Variants in GREB1L observed in about 807,000 individuals in gnomAD.
GREB1L encodes GREB1-like protein.
GREB1L carries 17 observed loss-of-function variants against 200.8 expected under a neutral mutation model. The observed-to-expected ratio is 0.08, with a 90% CI of 0.06 to 0.13. The LOEUF (loss-of-function observed/expected upper bound fraction) is 0.13, where lower values mean the gene tolerates loss of function less well. Ranked by LOEUF, GREB1L falls within the 10% of genes least tolerant of loss-of-function variation. GREB1L has a pLI of 1.00. For missense variants in GREB1L, 1,657 were observed against 2,367.7 expected, an observed-to-expected ratio of 0.70 and a Z score of 6.23; for synonymous variants, 789 against 893.0, an observed-to-expected ratio of 0.88 and a Z score of 2.08.
chr18:21,242,554 C>T (rs1178883198), intron 1 of GREB1L, among the ~76,000 whole-genome samples, 161 bp downstream of exon 1: 3 of 152,112 alleles, frequency 2.0e-5, no homozygotes, highest in Admixed American at 1.3e-4. Flanking sequence ...GGATGGGAAG[C>T]TCAGCGGGGG....
intron 17 of GREB1L, among the ~76,000 whole-genome samples, chr18:21,477,715 G>A (rs1411414933): frequency 6.6e-6 from 1 of 151,982 alleles, no homozygotes; most frequent in African/African-American, 2.4e-5. Flanking sequence ...AAACCCGGGA[G>A]GCGGAGGTTG....
At chr18:21,298,233 C>G (rs150466124) in intron 1 of GREB1L, among the ~76,000 whole-genome samples, 70 of 152,302 alleles carry the variant, frequency 4.6e-4, no homozygotes, top group African/African-American at 1.6e-3. Flanking sequence ...GTTCACTGTG[C>G]GTCCACATTC....
intron 18 of GREB1L, among the ~76,000 whole-genome samples, chr18:21,489,610 C>A (rs2036252771): frequency 6.6e-6 from 1 of 152,192 alleles, no homozygotes; most frequent in Admixed American, 6.5e-5. Context: ...AATAGACCAG[C>A]GTGTCTCAGA....
At chr18:21,272,806 T>C (rs61597152) in intron 1 of GREB1L, among the ~76,000 whole-genome samples, 243 of 152,346 alleles carry the variant, frequency 1.6e-3, no homozygotes, top group African/African-American at 5.5e-3. Flanking sequence ...TAAAAAAAGA[T>C]GTAATTGAAT....
intron 1 of GREB1L, among the ~76,000 whole-genome samples, chr18:21,253,127 G>A (rs1441400192): frequency 6.6e-6 from 1 of 151,934 alleles, no homozygotes; most frequent in Non-Finnish European, 1.5e-5. Flanking sequence ...ACACTGCAGG[G>A]TTTACTTGAC....
chr18:21,263,463 T>G (rs1398006367), intron 1 of GREB1L, among the ~76,000 whole-genome samples: 1 of 152,226 alleles, frequency 6.6e-6, no homozygotes, highest in Non-Finnish European at 1.5e-5. Flanking sequence ...AATCTCCTTG[T>G]CTTTAGTTTC....
chr18:21,414,942 A>G (rs1010917312), intron 7 of GREB1L, among the ~76,000 whole-genome samples: 2 of 152,210 alleles, frequency 1.3e-5, no homozygotes, highest in Non-Finnish European at 2.9e-5. Flanking sequence ...GATGGGAAAC[A>G]AAGTGAGTCT....
At chr18:21,322,808 G>A (rs2038970082) in intron 1 of GREB1L, among the ~76,000 whole-genome samples, 1 of 152,018 alleles carries the variant, frequency 6.6e-6, no homozygotes, top group Admixed American at 6.6e-5. Context: ...TAAGTTAATT[G>A]GATGCAATCT....
chr18:21,440,479 G>T, intron 9 of GREB1L, 91 bp downstream of exon 9: 1 of 1,244,416 alleles, frequency 8.0e-7, no homozygotes, highest in African/African-American at 1.5e-5. Context: ...TCTTGACAAT[G>T]AGTTATATGA....
chr18:21,427,579 GT>G, intron 7 of GREB1L, among the ~76,000 whole-genome samples: 1 of 152,088 alleles, frequency 6.6e-6, no homozygotes, highest in Non-Finnish European at 1.5e-5. Context: ...CTTTTGTTCT[GT>G]TTATTCCTAA....
intron 7 of GREB1L, among the ~76,000 whole-genome samples, chr18:21,408,205 A>T (rs2030515203): frequency 6.6e-6 from 1 of 152,344 alleles, no homozygotes; most frequent in East Asian, 1.9e-4. Flanking sequence ...TATTGTATGC[A>T]TGTATCAAAA....
At chr18:21,339,154 T>C (rs1389828349) in intron 1 of GREB1L, among the ~76,000 whole-genome samples, 1 of 151,430 alleles carries the variant, frequency 6.6e-6, no homozygotes, top group Non-Finnish European at 1.5e-5. Context: ...ACCTCTGCAC[T>C]CCATCCTGGG....
chr18:21,323,490 G>C (rs1397227803), intron 1 of GREB1L, among the ~76,000 whole-genome samples: 1 of 152,086 alleles, frequency 6.6e-6, no homozygotes, highest in Admixed American at 6.6e-5. Context: ...GCTATAAATG[G>C]CTCTTAAACT....
intron 17 of GREB1L, among the ~76,000 whole-genome samples, chr18:21,479,034 A>G (rs1294816664): frequency 6.6e-6 from 1 of 151,928 alleles, no homozygotes; most frequent in East Asian, 1.9e-4. Context: ...GGTGCTCGCC[A>G]CCTTGCCTGG....
chr18:21,373,437 G>T (rs1009739198), intron 2 of GREB1L, among the ~76,000 whole-genome samples: 2 of 152,026 alleles, frequency 1.3e-5, no homozygotes, highest in African/African-American at 4.8e-5. Flanking sequence ...AGGTTCATGC[G>T]ATTCTCCTGC....
chr18:21,352,166 A>C lies in GREB1L; in HGVS notation c.-119-13861A>C, dbSNP rs2143327502. ...CAGCCATGCAAGCTATTTTAAATAA[A>C]TTTATCAAATTCATTGGCTTATGAT... On this transcript the variant is annotated intron_variant, in intron 1 of 32. Transcript: ENST00000424526. Among the ~76,000 whole-genome samples, 4 of 152,246 alleles carry C rather than the reference A, an allele frequency of 2.6e-5. No homozygotes were observed. In the East Asian group the frequency reaches 7.7e-4, roughly 29 times the overall value.
intron 1 of GREB1L, among the ~76,000 whole-genome samples, chr18:21,345,844 C>T (rs1350984303): frequency 6.7e-6 from 1 of 150,124 alleles, no homozygotes; most frequent in Non-Finnish European, 1.5e-5. Context: ...TGCACTCCAG[C>T]CTTGGGGACA....
intron 1 of GREB1L, among the ~76,000 whole-genome samples, chr18:21,316,332 C>T (rs1188117860): frequency 6.6e-6 from 1 of 152,098 alleles, no homozygotes; most frequent in East Asian, 1.9e-4. Context: ...CCTTTTGTAC[C>T]AATCTTTGTC....
chr18:21,457,845 T>A, intron 15 of GREB1L, among the ~76,000 whole-genome samples: 1 of 152,210 alleles, frequency 6.6e-6, no homozygotes, highest in East Asian at 1.9e-4. Context: ...ATCATAGCTG[T>A]TAAAACAGAA....
Sources: allele counts gnomAD v4.1 joint callset (sites outside exome capture counted in the v4.1 genomes callset), GRCh38; gene constraint gnomAD v4.1.1; transcripts MANE v1.5; gene names NCBI Gene and HGNC (gene_info 2026-07-23, HGNC 2026-07-21).